Variants in SF3B3 observed in about 807,000 individuals in gnomAD.
SF3B3 encodes SAP 130.
Under a neutral mutation model 139.2 loss-of-function variants are expected in SF3B3, and 33 were observed. The ratio of observed to expected loss-of-function variants is 0.24; its 90% CI spans 0.18 to 0.32. The LOEUF (loss-of-function observed/expected upper bound fraction) is 0.32. Among genes scored for constraint, SF3B3 ranks in the 10% least tolerant of loss-of-function variants. The pLI, the probability that SF3B3 is intolerant of heterozygous loss-of-function variation, is 1.00. For synonymous variants in SF3B3, 596 were observed against 563.6 expected (o/e 1.06, Z -0.81); for missense variants, 818 against 1,509.4 (o/e 0.54, Z 7.59).
intron 1 of SF3B3, 123 bp downstream of exon 1, chr16:70,524,051 A>C (rs1050963271): frequency 2.5e-6 from 1 of 398,428 alleles, no homozygotes; most frequent in Non-Finnish European, 4.4e-6. Flanking sequence ...GGGGACCAGG[A>C]GGAGGTACCG....
chr16:70,529,125 G>T lies in SF3B3; in HGVS notation c.323G>T (p.Gly108Val). 1 of 1,614,200 alleles carries T rather than the reference G, an allele frequency of 6.2e-7. No homozygotes were observed. The highest frequency in any genetic ancestry group is 8.5e-7 in the Non-Finnish European group (1 of 1,180,044). The change falls in exon 3 of 26, where the codon GGC becomes GTC. Residue 108 changes from glycine (G) to valine (V), a missense_variant. This residue lies in a region of SF3B3 where 144 missense variants were observed against 259.2 expected (regional missense o/e 0.56). Transcript: ENST00000302516. ...MFEKIHQETF[G>V]KSGCRRIVPG... ...GAGAAGATTCACCAAGAAACCTTTG[G>T]CAAGAGTGGATGCCGTCGCATCGTT... is the stretch of plus-strand genomic sequence containing the variant.
At chr16:70,534,374 G>C (rs1275458990) in intron 5 of SF3B3, among the ~76,000 whole-genome samples, 4 of 152,228 alleles carry the variant, frequency 2.6e-5, no homozygotes, top group African/African-American at 9.6e-5. Context: ...GAAATAATCT[G>C]ATAGGTTGAC....
intron 1 of SF3B3, among the ~76,000 whole-genome samples, chr16:70,525,535 GGGGAGCTGTTCA>G (rs2050053604): frequency 6.6e-6 from 1 of 152,116 alleles, no homozygotes; most frequent in East Asian, 1.9e-4. Context: ...AGTAACTTGC[GGGGAGCTGTTCA>G]GGGATTCAGA....
intron 17 of SF3B3, among the ~76,000 whole-genome samples, chr16:70,562,830 T>G (rs1409253759): frequency 2.6e-5 from 4 of 152,100 alleles, no homozygotes; most frequent in Non-Finnish European, 5.9e-5. Flanking sequence ...TTATTTTTAT[T>G]TTTAAGTTTT....
rs747974701 is a variant in SF3B3, at chr16:70,538,111, G to A, written c.826-212G>A. 4.2e-6 allele frequency: 3 copies of A among 710,188 alleles called. No homozygotes were observed. The African/African-American group carries it at 5.2e-5, about 12-fold the overall frequency. The allele number at this position is 710,188 out of a possible 1,614,324, so 44.0% of individuals were successfully genotyped here. ...TCTGATCAGGCTGTAGAGTGGAATT[G>A]GGACTCTTTTGGTTACCCAGATTTT... On this transcript the variant is annotated intron_variant, in intron 6 of 25. Coordinates refer to ENST00000302516, the MANE Select transcript of SF3B3 (RefSeq NM_012426.5).
At position 70,551,693 on chromosome 16, in the gene SF3B3, ACT is replaced by A. The variant is rs893979020; in HGVS notation, c.1403-2747_1403-2746del. ...CTCCAGCCTGGGCAACCAGAGCGAA[ACT>A]CTCTCCAAAAAAAAACTAATAAATT... On this transcript the variant is annotated intron_variant, in intron 11 of 25. Transcript: ENST00000302516. Among the ~76,000 whole-genome samples, 522 of 151,806 alleles carry A rather than the reference ACT, an allele frequency of 3.4e-3. 5 individuals carry two copies. The highest frequency in any genetic ancestry group is 0.012 in the African/African-American group (486 of 41,380).
rs2050068115 is a variant in SF3B3, at chr16:70,526,736, C to T, written c.70+10C>T. The T allele has an allele frequency of 6.3e-7, 1 of 1,592,478 alleles. No individual in the cohort carries two copies. The highest frequency in any genetic ancestry group is 2.2e-5 in the East Asian group (1 of 44,754). ...CATGGAAACTTTTCTGGTAAGTTCT[C>T]TCGTTACCATCTTTTGAAATTTTAA... On this transcript the variant is annotated intron_variant, in intron 2 of 25. Transcript: ENST00000302516.
chr16:70,569,886 A>G (rs1375885916), intron 23 of SF3B3, 120 bp from the exon 24 acceptor site: 6 of 1,118,950 alleles, frequency 5.4e-6, no homozygotes, highest in East Asian at 2.5e-5. Flanking sequence ...GTTGGCCTCT[A>G]TAATAATTTT....
In SF3B3 at chr16:70,541,658, C is replaced by G; in HGVS notation, c.1068-11C>G. On this transcript the variant is annotated splice_polypyrimidine_tract_variant and intron_variant, in intron 8 of 25. Coordinates refer to ENST00000302516, the MANE Select transcript of SF3B3 (RefSeq NM_012426.5). ...CGTTACCGAAAGTTTCTCTCCTCTG[C>G]TTCTTCCCAGTTACTTATATCAAAT... The G allele has an allele frequency of 6.2e-7, 1 of 1,611,796 alleles. No individual in the cohort carries two copies. Among genetic ancestry groups the G allele is most frequent in the Non-Finnish European group, 8.5e-7 (1 of 1,178,440 alleles).
intron 2 of SF3B3, 141 bp downstream of exon 2, chr16:70,526,867 G>A: frequency 1.6e-6 from 1 of 637,322 alleles, no homozygotes; most frequent in Non-Finnish European, 2.7e-6. Flanking sequence ...GAGATGAGGT[G>A]TTAAGTTCTG....
intron 11 of SF3B3, among the ~76,000 whole-genome samples, chr16:70,549,226 AATTCTGCCTGATATTTAGAT>A (rs2050298094): frequency 6.6e-6 from 1 of 152,342 alleles, no homozygotes. Context: ...AAACAGCTGT[AATTCTGCCTGATATTTAGAT>A]ATTCTGCCTG....
intron 14 of SF3B3, 64 bp downstream of exon 14, chr16:70,556,398 C>G: frequency 6.4e-7 from 1 of 1,569,882 alleles, no homozygotes; most frequent in South Asian, 1.1e-5. Flanking sequence ...CTCCTGATGT[C>G]TATCTCTGAG....
Position 70,575,196 on chromosome 16 carries a change from CTTTT to C in SF3B3, c.*3400_*3403del. 9.2e-6 allele frequency: 1 copy of C among 108,238 alleles called. No individual in the cohort carries two copies. Among genetic ancestry groups the C allele is most frequent in the Non-Finnish European group, 1.9e-5 (1 of 53,714 alleles). The allele number at this position is 108,238 out of a possible 1,614,324, so 6.7% of individuals were successfully genotyped here. A position where few individuals can be genotyped will look rare whatever the true frequency, so the allele number is the denominator to read the frequency against. On this transcript the variant is annotated 3_prime_UTR_variant, in exon 26 of 26. Transcript: ENST00000302516. ...TTTTCTTTTTCTTTTTCTTTTTTTT[CTTTT>C]TTTTTTTTTTTTTTTTGAGATGAAG... is the stretch of plus-strand genomic sequence containing the variant.
intron 15 of SF3B3, among the ~76,000 whole-genome samples, chr16:70,557,960 G>C (rs2151790262): frequency 6.6e-6 from 1 of 152,164 alleles, no homozygotes; most frequent in South Asian, 2.1e-4. Context: ...CCCCAATGTG[G>C]CTTTATAGTT....
chr16:70,561,930 C>G (rs2151792074), intron 17 of SF3B3, 146 bp downstream of exon 17: 1 of 670,636 alleles, frequency 1.5e-6, no homozygotes, highest in East Asian at 2.7e-5. Context: ...TTGAAACCTT[C>G]ATTTGGCTCA....
intron 13 of SF3B3, among the ~76,000 whole-genome samples, chr16:70,555,772 A>C (rs562591180): frequency 6.6e-6 from 1 of 152,192 alleles, no homozygotes; most frequent in Non-Finnish European, 1.5e-5. Context: ...AGTGTGGCCA[A>C]ATTTGTAGCC....
Position 70,555,141 on chromosome 16 carries a change from G to C in SF3B3, c.1645G>C (p.Val549Leu). 6.2e-7 allele frequency: 1 copy of C among 1,614,140 alleles called. No individual in the cohort carries two copies. The highest frequency in any genetic ancestry group is 8.5e-7 in the Non-Finnish European group (1 of 1,179,964). Residue 549 changes from valine to leucine, a missense_variant, in exon 13 of 26, where the codon GTG becomes CTG. Physicochemically the swap from Val to Leu is conservative, Grantham distance 32 (BLOSUM62 1). Coordinates refer to ENST00000302516, the MANE Select transcript of SF3B3 (RefSeq NM_012426.5). ...PGKKTIVKCA[V>L]NQRQVVIALT... Reference sequence around the variant, plus strand: ...AAAGAAAACAATTGTGAAGTGTGCAGTGAACCAGCGACAAGTGGTGATTGC... The same window carrying C: ...AAAGAAAACAATTGTGAAGTGTGCACTGAACCAGCGACAAGTGGTGATTGC...
Position 70,529,181 on chromosome 16 carries a change from G to A in SF3B3, c.379G>A (p.Gly127Arg). ...PGQFLAVDPK[G>R]RAVMISAIEK... ...CCAGTTCTTAGCTGTGGATCCCAAA[G>A]GGCGAGCCGTTATGATTAGTAAGTG... is the stretch of plus-strand genomic sequence containing the variant. Residue 127 changes from glycine (G) to arginine (R), a missense_variant, in exon 3 of 26, where the codon GGG becomes AGG. Gly to Arg is a moderately radical substitution (Grantham distance 125). Around this residue, in one of 14 missense-constraint regions of SF3B3, gnomAD observed 144 missense variants for 259.2 expected, o/e 0.56. Coordinates refer to ENST00000302516, the MANE Select transcript of SF3B3 (RefSeq NM_012426.5). 6.2e-7 allele frequency: 1 copy of A among 1,613,768 alleles called. No homozygotes were observed. Among genetic ancestry groups the A allele is most frequent in the Non-Finnish European group, 8.5e-7 (1 of 1,179,788 alleles).
In SF3B3 at chr16:70,571,978, T is replaced by C; in HGVS notation, c.*165T>C. 1.2e-6 allele frequency: 1 copy of C among 833,548 alleles called. No individual in the cohort carries two copies. The highest frequency in any genetic ancestry group is 1.6e-5 in the South Asian group (1 of 62,582). 51.6% of individuals were successfully genotyped at this position (833,548 alleles called of 1,614,324 possible). ...CCCTCAGCTCTTCTCCTGGAATGAC[T>C]GGCTTCCCCTCAAATTGGCACTGAG... is the stretch of plus-strand genomic sequence containing the variant. On this transcript the variant is annotated 3_prime_UTR_variant, in exon 26 of 26. Coordinates refer to ENST00000302516, the MANE Select transcript of SF3B3 (RefSeq NM_012426.5).
Sources: allele counts gnomAD v4.1 joint callset (sites outside exome capture counted in the v4.1 genomes callset), GRCh38; gene constraint gnomAD v4.1.1; regional missense constraint gnomAD v4.1.1; transcripts MANE v1.5; gene names NCBI Gene and HGNC (gene_info 2026-07-23, HGNC 2026-07-21).